CYYR1: variants seen among roughly 807,000 people sequenced by gnomAD.
CYYR1 encodes cysteine and tyrosine rich 1.
A neutral mutation model predicts 15.2 loss-of-function variants in CYYR1; 14 were observed. The observed-to-expected ratio is 0.92, with a 90% CI of 0.61 to 1.44. CYYR1 has a LOEUF of 1.44. Among genes scored for constraint, CYYR1 ranks in the 40% most tolerant of loss-of-function variants. The pLI is 0.00. For missense variants in CYYR1, 228 were observed against 209.5 expected (o/e 1.09, Z -0.54); for synonymous variants, 80 against 77.4 (o/e 1.03, Z -0.18).
At chr21:26,482,288 A>G (rs1349863744) in intron 2 of CYYR1, 4 of 976,144 alleles carry the variant, frequency 4.1e-6, no homozygotes, top group Non-Finnish European at 4.9e-6. Flanking sequence ...AACAATTTCC[A>G]TGAATTTTTA....
intron 2 of CYYR1, among the ~76,000 whole-genome samples, chr21:26,547,235 G>A (rs967779067): frequency 2.0e-5 from 3 of 152,020 alleles, no homozygotes; most frequent in African/African-American, 7.3e-5. Flanking sequence ...TCAATTCCCT[G>A]TCTCTCTCCA....
At chr21:26,484,032 C>G (rs2065219276) in intron 2 of CYYR1, among the ~76,000 whole-genome samples, 1 of 152,072 alleles carries the variant, frequency 6.6e-6, no homozygotes, top group Non-Finnish European at 1.5e-5. Flanking sequence ...TACCCCAAAC[C>G]ACTGGGGCCA....
intron 2 of CYYR1, among the ~76,000 whole-genome samples, chr21:26,509,765 T>C (rs1161658791): frequency 6.6e-6 from 1 of 152,230 alleles, no homozygotes; most frequent in African/African-American, 2.4e-5. Flanking sequence ...CGAAGGCTTT[T>C]ATCCAACTCG....
chr21:26,572,700 G>T (rs1338988148), intron 1 of CYYR1, among the ~76,000 whole-genome samples, 168 bp downstream of exon 1: 1 of 152,212 alleles, frequency 6.6e-6, no homozygotes, highest in South Asian at 2.1e-4. Context: ...ACCGCGTGCG[G>T]CTGGAAGTGC....
At chr21:26,565,912 C>G (rs1000360421) in intron 2 of CYYR1, among the ~76,000 whole-genome samples, 1 of 152,072 alleles carries the variant, frequency 6.6e-6, no homozygotes, top group Admixed American at 6.6e-5. Context: ...AATAACAAAT[C>G]TTAACTTGCA....
At chr21:26,477,699 A>C in intron 3 of CYYR1, 1 of 958,050 alleles carries the variant, frequency 1.0e-6, no homozygotes, top group Non-Finnish European at 1.2e-6. Flanking sequence ...GATCAAGCTA[A>C]TGAGTATCTA....
intron 2 of CYYR1, among the ~76,000 whole-genome samples, chr21:26,513,036 TA>T (rs2065671891): frequency 6.6e-6 from 1 of 152,220 alleles, no homozygotes; most frequent in Non-Finnish European, 1.5e-5. Context: ...ATCATTTACC[TA>T]CCTCTGTGTC....
intron 2 of CYYR1, among the ~76,000 whole-genome samples, chr21:26,499,541 T>C (rs576067489): frequency 6.6e-6 from 1 of 152,264 alleles, no homozygotes; most frequent in African/African-American, 2.4e-5. Context: ...GTAACTAACA[T>C]AGCAAGGCAA....
chr21:26,571,154 G>T (rs1980986199), intron 1 of CYYR1, among the ~76,000 whole-genome samples: 1 of 152,142 alleles, frequency 6.6e-6, no homozygotes, highest in Admixed American at 6.5e-5. Flanking sequence ...ATAAGAACAT[G>T]ACCTCTTACG....
chr21:26,486,007 T>A (rs1319682825), intron 2 of CYYR1, among the ~76,000 whole-genome samples: 1 of 152,124 alleles, frequency 6.6e-6, no homozygotes, highest in Non-Finnish European at 1.5e-5. Flanking sequence ...TATTTCATCA[T>A]GGCCTTAATT....
chr21:26,569,007 T>C (rs1980837709), intron 1 of CYYR1: 1 of 152,214 alleles, frequency 6.6e-6, no homozygotes, highest in Admixed American at 6.5e-5. Context: ...GTTCAACCAC[T>C]GTGGAAAGCA....
intron 2 of CYYR1, among the ~76,000 whole-genome samples, chr21:26,549,694 T>C (rs1366303791): frequency 2.0e-5 from 3 of 152,118 alleles, no homozygotes; most frequent in Admixed American, 6.5e-5. Context: ...CAAATCCGAA[T>C]TGAGGTGTTT....
chr21:26,557,691 C>T (rs1471367277), intron 2 of CYYR1, among the ~76,000 whole-genome samples: 2 of 152,198 alleles, frequency 1.3e-5, no homozygotes, highest in South Asian at 2.1e-4. Context: ...TCATTCATTC[C>T]CACACACCTT....
chr21:26,547,246 A>G (rs1979033802), intron 2 of CYYR1, among the ~76,000 whole-genome samples: 1 of 152,106 alleles, frequency 6.6e-6, no homozygotes, highest in South Asian at 2.1e-4. Context: ...TCTCTCTCCA[A>G]GCACAGAATG....
chr21:26,482,494 T>C, intron 2 of CYYR1: 1 of 985,366 alleles, frequency 1.0e-6, no homozygotes, highest in Non-Finnish European at 1.2e-6. Context: ...TTGAGCCCTG[T>C]TTGCTGGTCC....
At chr21:26,534,540 G>A (rs1569164061) in intron 2 of CYYR1, among the ~76,000 whole-genome samples, 2 of 152,060 alleles carry the variant, frequency 1.3e-5, no homozygotes, top group South Asian at 4.1e-4. Context: ...GGAGACTGGA[G>A]ATGGAGAGGA....
At chr21:26,554,534 C>T (rs975986433) in intron 2 of CYYR1, among the ~76,000 whole-genome samples, 2 of 152,070 alleles carry the variant, frequency 1.3e-5, no homozygotes, top group Admixed American at 6.6e-5. Flanking sequence ...TAATTAGCTG[C>T]TTTTGCAGTT....
chr21:26,480,487 C>G (rs1177877816), intron 2 of CYYR1, 58 bp from the exon 3 acceptor site: 1 of 1,504,990 alleles, frequency 6.6e-7, no homozygotes, highest in Non-Finnish European at 9.0e-7. Context: ...TTTAGACTTT[C>G]TAGTAGAGCT....
At chr21:26,562,029 A>G (rs1025434771) in intron 2 of CYYR1, among the ~76,000 whole-genome samples, 2 of 152,192 alleles carry the variant, frequency 1.3e-5, no homozygotes, top group Non-Finnish European at 1.5e-5. Context: ...AGCAGCAAAA[A>G]GTTAAACATC....
Sources: allele counts gnomAD v4.1 joint callset (sites outside exome capture counted in the v4.1 genomes callset), GRCh38; gene constraint gnomAD v4.1.1; transcripts MANE v1.5; gene names NCBI Gene and HGNC (gene_info 2026-07-23, HGNC 2026-07-21).